The following ROR2 variants were observed in gnomAD, a reference collection of about 807,000 sequenced individuals.
ROR2 encodes the protein ROR family WNT receptor 2.
In ROR2, 33 loss-of-function variants were observed where a neutral mutation model predicts 74.9. That is an observed-to-expected ratio of 0.44 (90% CI 0.33 to 0.59). The LOEUF is 0.59. Among genes scored for constraint, ROR2 ranks in the 20% least tolerant of loss-of-function variants. ROR2 has a pLI of 0.02. For missense variants in ROR2, 1,216 were observed against 1,313.8 expected (o/e 0.93, Z 1.15); for synonymous variants, 586 against 558.7 (o/e 1.05, Z -0.69).
intron 1 of ROR2, among the ~76,000 whole-genome samples, chr9:91,815,191 A>C (rs1386823635): frequency 6.6e-6 from 1 of 152,252 alleles, no homozygotes; most frequent in East Asian, 1.9e-4. Context: ...CAAGAAGGAA[A>C]TCCAGTAACA....
intron 1 of ROR2, among the ~76,000 whole-genome samples, chr9:91,941,043 G>A (rs1587863592): frequency 1.4e-5 from 2 of 142,786 alleles, no homozygotes; most frequent in Non-Finnish European, 3.0e-5. Context: ...TTTCACCCAG[G>A]CCAGACTGCC....
At chr9:91,852,421 T>A (rs1829125581) in intron 1 of ROR2, among the ~76,000 whole-genome samples, 1 of 152,208 alleles carries the variant, frequency 6.6e-6, no homozygotes, top group Non-Finnish European at 1.5e-5. Flanking sequence ...ACCAGCTTCA[T>A]CTTTCATGAC....
At chr9:91,759,277 C>T (rs185641182) in intron 2 of ROR2, among the ~76,000 whole-genome samples, 3 of 152,266 alleles carry the variant, frequency 2.0e-5, no homozygotes, top group African/African-American at 4.8e-5. Context: ...ACAGTGGAAA[C>T]GCACCTGTCT....
Position 91,733,152 on chromosome 9 carries a change from T to C in ROR2, c.907A>G (p.Ile303Val), listed in dbSNP as rs751490813. ...CCCAGCCTCTCGGCTGGGATGCCAA[T>C]GCGCATGCAGTTGGCAGCGTCGGGG... ...ESPDAANCMR[I>V]GIPAERLGRY... Residue 303 changes from isoleucine (I) to valine (V), a missense_variant, in exon 6 of 9, where the codon ATT (isoleucine) becomes GTT (valine). Physicochemically the swap from Ile to Val is conservative, Grantham distance 29. Coordinates refer to ENST00000375708, the MANE Select transcript of ROR2 (RefSeq NM_004560.4). This position sits in a 1 kb window ranked among gnomAD's most constrained non-coding sequence, Gnocchi z 5.7. The C allele has an allele frequency of 5.9e-5, 95 of 1,602,192 alleles. No homozygotes were observed. Among genetic ancestry groups the C allele is most frequent in the Non-Finnish European group, 7.5e-5 (88 of 1,176,276 alleles).
intron 1 of ROR2, among the ~76,000 whole-genome samples, chr9:91,927,896 T>C (rs1172099485): frequency 6.6e-6 from 1 of 152,102 alleles, no homozygotes; most frequent in Non-Finnish European, 1.5e-5. Flanking sequence ...TTGGCATCCA[T>C]TCATCACAGG....
At chr9:91,939,812 T>G (rs767521846) in intron 1 of ROR2, among the ~76,000 whole-genome samples, 3 of 152,208 alleles carry the variant, frequency 2.0e-5, no homozygotes, top group Non-Finnish European at 4.4e-5. Flanking sequence ...CTGAGTACAG[T>G]GGAGACTGGT....
At chr9:91,869,270 C>T (rs1321993982) in intron 1 of ROR2, among the ~76,000 whole-genome samples, 1 of 152,090 alleles carries the variant, frequency 6.6e-6, no homozygotes, top group African/African-American at 2.4e-5. Context: ...AAATTCCAGG[C>T]TGGTCTCAAC....
chr9:91,816,062 C>G (rs894194428), intron 1 of ROR2, among the ~76,000 whole-genome samples: 1 of 152,084 alleles, frequency 6.6e-6, no homozygotes, highest in African/African-American at 2.4e-5. Context: ...GGCAAACACC[C>G]GATGCCATCT....
Position 91,724,326 on chromosome 9 carries a change from G to A in ROR2, c.2168C>T (p.Ala723Val). 6.2e-7 allele frequency: 1 copy of A among 1,613,244 alleles called. No individual in the cohort carries two copies. Among genetic ancestry groups the A allele is most frequent in the Non-Finnish European group, 8.5e-7 (1 of 1,180,030 alleles). Residue 723 changes from alanine to valine, a missense_variant, in exon 9 of 9, where the codon GCC (alanine) becomes GTC (valine). Ala to Val is a moderately conservative substitution (Grantham distance 64, BLOSUM62 0). Transcript: ENST00000375708. ...CPDDCPAWVY[A>V]LMIECWNEFP... ...CTCGTTCCAGCACTCGATCATGAGG[G>A]CATACACCCAGGCGGGACAGTCATC...
At chr9:91,811,611 A>T (rs1003386094) in intron 1 of ROR2, among the ~76,000 whole-genome samples, 1 of 152,166 alleles carries the variant, frequency 6.6e-6, no homozygotes, top group Non-Finnish European at 1.5e-5. Context: ...AAGCCACCCA[A>T]CTACCTCCTC....
intron 4 of ROR2, among the ~76,000 whole-genome samples, chr9:91,754,954 C>T (rs537361904): frequency 1.3e-5 from 2 of 152,242 alleles, no homozygotes; most frequent in South Asian, 4.1e-4. Flanking sequence ...AGTTTGTCAC[C>T]AGTCTGGACA....
chr9:91,733,185 G>A lies in ROR2; in HGVS notation c.874C>T (p.Pro292Ser). Residue 292 changes from proline (P) to serine (S), a missense_variant, in exon 6 of 9, where the codon CCT becomes TCT. Coordinates refer to ENST00000375708, the MANE Select transcript of ROR2 (RefSeq NM_004560.4). This position sits in a 1 kb window ranked among gnomAD's most constrained non-coding sequence, Gnocchi z 5.7. ...CAGTTGGCAGCGTCGGGGCTCTCAGGCATGGGCAGCGCCTCACACTTGGGC... is the reference window on the plus strand; with the variant it reads ...CAGTTGGCAGCGTCGGGGCTCTCAGACATGGGCAGCGCCTCACACTTGGGC... ...QLPKCEALPM[P>S]ESPDAANCMR... 1 of 1,609,980 alleles carries A rather than the reference G, an allele frequency of 6.2e-7. No homozygotes were observed. The highest frequency in any genetic ancestry group is 8.5e-7 in the Non-Finnish European group (1 of 1,178,940).
intron 1 of ROR2, among the ~76,000 whole-genome samples, chr9:91,825,332 C>A (rs892038573): frequency 6.6e-6 from 1 of 152,146 alleles, no homozygotes; most frequent in African/African-American, 2.4e-5. Flanking sequence ...GGGCTATTCA[C>A]CCACCTGGAC....
At chr9:91,795,861 A>C (rs1827150111) in intron 1 of ROR2, among the ~76,000 whole-genome samples, 1 of 152,178 alleles carries the variant, frequency 6.6e-6, no homozygotes, top group Non-Finnish European at 1.5e-5. Flanking sequence ...AATAAGCATG[A>C]ATGTACATAC....
intron 1 of ROR2, among the ~76,000 whole-genome samples, chr9:91,864,000 A>G (rs549968108): frequency 6.6e-6 from 1 of 152,226 alleles, no homozygotes; most frequent in South Asian, 2.1e-4. Context: ...AAAACTAGAA[A>G]GACACACAAG....
intron 1 of ROR2, among the ~76,000 whole-genome samples, chr9:91,871,438 C>T (rs1829793280): frequency 6.6e-6 from 1 of 152,138 alleles, no homozygotes; most frequent in Admixed American, 6.5e-5. Context: ...GTGTTCATGT[C>T]CTATAATAAT....
At chr9:91,856,846 A>G (rs965942066) in intron 1 of ROR2, among the ~76,000 whole-genome samples, 1 of 152,230 alleles carries the variant, frequency 6.6e-6, no homozygotes, top group African/African-American at 2.4e-5. Context: ...TGGCTGCCTC[A>G]CTGCTCAAGC....
At chr9:91,929,589 G>A (rs1831498435) in intron 1 of ROR2, among the ~76,000 whole-genome samples, 1 of 152,060 alleles carries the variant, frequency 6.6e-6, no homozygotes, top group Non-Finnish European at 1.5e-5. Flanking sequence ...GGTCCCCACG[G>A]GCATTCTTTT....
At chr9:91,891,079 G>C (rs1469449275) in intron 1 of ROR2, among the ~76,000 whole-genome samples, 1 of 152,102 alleles carries the variant, frequency 6.6e-6, no homozygotes, top group Non-Finnish European at 1.5e-5. Context: ...TCTGTAGTTT[G>C]ATATTTTAGT....
Sources: allele counts gnomAD v4.1 joint callset (sites outside exome capture counted in the v4.1 genomes callset), GRCh38; gene constraint gnomAD v4.1.1; non-coding constraint Gnocchi (gnomAD v3.1); transcripts MANE v1.5; gene names NCBI Gene and HGNC (gene_info 2026-07-23, HGNC 2026-07-21).